CSRNP3: variants seen among roughly 807,000 people sequenced by gnomAD.
CSRNP3 encodes cysteine and serine rich nuclear protein 3.
A neutral mutation model predicts 48.0 loss-of-function variants in CSRNP3; 12 were observed. The observed-to-expected ratio is 0.25, with a 90% CI of 0.16 to 0.41. The LOEUF is 0.41. Among genes scored for constraint, CSRNP3 ranks in the 10% least tolerant of loss-of-function variants. CSRNP3 has a pLI of 1.00. For synonymous variants in CSRNP3, 263 were observed against 269.7 expected (o/e 0.98, Z 0.24); for missense variants, 580 against 724.4 (o/e 0.80, Z 2.29).
rs764541524 is a variant in CSRNP3, at chr2:165,679,537, C to A, written c.1542C>A (p.Pro514=). 6.8e-6 allele frequency: 11 copies of A among 1,613,720 alleles called. No individual in the cohort carries two copies. The highest frequency in any genetic ancestry group is 1.3e-5 in the African/African-American group (1 of 74,850). Residue 514 remains proline (P), a synonymous_variant, in exon 7 of 7, where the codon CCC becomes CCA. Transcript: ENST00000651982. Reference sequence around the variant, plus strand: ...CTTCCGAAAATGATAGCGGTGTGCCCTGCAATAGTTTATATCCTGAACACA... The same window carrying A: ...CTTCCGAAAATGATAGCGGTGTGCCATGCAATAGTTTATATCCTGAACACA... The part of the protein sequence containing the change: ...CSSSENDSGV[P]CNSLYPEHRS...
intron 5 of CSRNP3, among the ~76,000 whole-genome samples, chr2:165,670,849 A>G (rs77663759): frequency 6.6e-6 from 1 of 151,914 alleles, no homozygotes; most frequent in African/African-American, 2.4e-5. Context: ...TTTAAATCAC[A>G]TTTTTTGCAG....
intron 3 of CSRNP3, among the ~76,000 whole-genome samples, chr2:165,559,529 T>G (rs1199392388): frequency 2.0e-5 from 3 of 152,106 alleles, no homozygotes; most frequent in Non-Finnish European, 2.9e-5. Flanking sequence ...AAAAAATAAT[T>G]TATTAATAGA....
At chr2:165,592,851 G>T (rs533549719) in intron 3 of CSRNP3, among the ~76,000 whole-genome samples, 1 of 144,166 alleles carries the variant, frequency 6.9e-6, no homozygotes, top group East Asian at 2.0e-4. Context: ...GCCCAGGCTG[G>T]AGTGCAGTGG....
chr2:165,676,092 T>G (rs1687417739), intron 5 of CSRNP3, among the ~76,000 whole-genome samples: 1 of 152,194 alleles, frequency 6.6e-6, no homozygotes, highest in South Asian at 2.1e-4. Context: ...TGAGTTCCAA[T>G]TAACAGTCTT....
In CSRNP3 at chr2:165,580,921, T is replaced by C. The variant is rs569682578; in HGVS notation, c.-23-14122T>C. Among the ~76,000 whole-genome samples, 10 of 152,264 alleles carry C rather than the reference T, an allele frequency of 6.6e-5. No homozygotes were observed. The East Asian group carries it at 1.9e-3, about 29-fold the overall frequency. On this transcript the variant is annotated intron_variant, in intron 3 of 6. Transcript: ENST00000651982. ...AAATTGTCCAAGGAATTAGGCTAAG[T>C]ACTATTCTTTAGTCTTAATTGCAAG...
intron 4 of CSRNP3, among the ~76,000 whole-genome samples, chr2:165,623,932 C>G (rs1396328083): frequency 6.6e-6 from 1 of 152,178 alleles, no homozygotes; most frequent in Non-Finnish European, 1.5e-5. Context: ...GGGAGTATCT[C>G]CTTGTCTGGC....
chr2:165,481,341 C>T (rs1404735582), intron 1 of CSRNP3, among the ~76,000 whole-genome samples: 1 of 152,134 alleles, frequency 6.6e-6, no homozygotes, highest in Non-Finnish European at 1.5e-5. Flanking sequence ...TGACAAATCC[C>T]CTGAGATTAC....
chr2:165,518,106 A>C (rs1684604720), intron 3 of CSRNP3, 145 bp downstream of exon 3: 1 of 152,294 alleles, frequency 6.6e-6, no homozygotes, highest in African/African-American at 2.4e-5. Context: ...GATTTTAAAA[A>C]ATCCATTTAT....
intron 4 of CSRNP3, among the ~76,000 whole-genome samples, chr2:165,622,734 A>G (rs1411932316): frequency 1.3e-5 from 2 of 152,246 alleles, no homozygotes; most frequent in African/African-American, 4.8e-5. Flanking sequence ...CAAAGTTGCC[A>G]TATACTGTTC....
intron 3 of CSRNP3, among the ~76,000 whole-genome samples, chr2:165,593,057 T>A (rs1345259585): frequency 6.6e-6 from 1 of 152,102 alleles, no homozygotes; most frequent in East Asian, 1.9e-4. Flanking sequence ...CGCCTCGGCC[T>A]CCCAAAGTGC....
intron 3 of CSRNP3, among the ~76,000 whole-genome samples, chr2:165,592,600 C>T (rs911972023): frequency 1.1e-4 from 17 of 151,952 alleles, no homozygotes; most frequent in Admixed American, 3.9e-4. Flanking sequence ...ATCATGGGGG[C>T]AGTTACCCTC....
chr2:165,570,163 C>A (rs887315573), intron 3 of CSRNP3, among the ~76,000 whole-genome samples: 12 of 151,952 alleles, frequency 7.9e-5, no homozygotes, highest in Non-Finnish European at 1.5e-4. Context: ...GCATAAGATA[C>A]TGGAATAACT....
chr2:165,667,143 G>A (rs1307237351), intron 5 of CSRNP3, among the ~76,000 whole-genome samples: 11 of 145,948 alleles, frequency 7.5e-5, no homozygotes, highest in South Asian at 4.5e-4. Context: ...AAGAGAGAGA[G>A]AAAAGGAAGG....
intron 4 of CSRNP3, among the ~76,000 whole-genome samples, chr2:165,624,244 TCTGAAG>T (rs1375549285): frequency 6.6e-6 from 1 of 152,226 alleles, no homozygotes; most frequent in Non-Finnish European, 1.5e-5. Flanking sequence ...TTATGTGCAT[TCTGAAG>T]CTGAAGGTAA....
At chr2:165,513,948 C>A (rs1684542223) in intron 2 of CSRNP3, among the ~76,000 whole-genome samples, 1 of 152,142 alleles carries the variant, frequency 6.6e-6, no homozygotes, top group Admixed American at 6.5e-5. Context: ...AATTAAGCCC[C>A]AAATATTAGA....
chr2:165,632,838 G>T (rs1485755300), intron 4 of CSRNP3, among the ~76,000 whole-genome samples: 2 of 152,110 alleles, frequency 1.3e-5, no homozygotes, highest in Non-Finnish European at 2.9e-5. Flanking sequence ...TGACTTACCA[G>T]CTATCAATTT....
rs1259793043 is a variant in CSRNP3 at position 165,682,761 on chromosome 2, A to G, written c.*3008A>G. Reference sequence around the variant, plus strand: ...TTCAACAAAGAGCTGCCCACATGCCAGGAAAGTGCTACAGTCCTTCTAAGC... The same window carrying G: ...TTCAACAAAGAGCTGCCCACATGCCGGGAAAGTGCTACAGTCCTTCTAAGC... On this transcript the variant is annotated 3_prime_UTR_variant, in exon 7 of 7. Coordinates refer to ENST00000651982, the MANE Select transcript of CSRNP3 (RefSeq NM_001172173.2). The G allele has an allele frequency of 6.6e-6, 1 of 152,120 alleles. No individual in the cohort carries two copies. Among genetic ancestry groups the G allele is most frequent in the Non-Finnish European group, 1.5e-5 (1 of 68,004 alleles). 9.4% of individuals were successfully genotyped at this position (152,120 alleles called of 1,614,324 possible). A position where few individuals can be genotyped will look rare whatever the true frequency, so the allele number is the denominator to read the frequency against.
intron 4 of CSRNP3, among the ~76,000 whole-genome samples, chr2:165,624,340 C>T (rs1204274954): frequency 6.6e-6 from 1 of 152,178 alleles, no homozygotes; most frequent in Non-Finnish European, 1.5e-5. Flanking sequence ...TGGATAAAGG[C>T]TTCATGCCTG....
intron 3 of CSRNP3, among the ~76,000 whole-genome samples, chr2:165,575,029 T>C (rs552379150): frequency 8.2e-4 from 125 of 152,338 alleles, no homozygotes; most frequent in African/African-American, 2.5e-3. Context: ...CTAATTGTTA[T>C]AAATTCTCTT....
Sources: gnomAD v4.1 joint callset for allele counts (sites outside exome capture counted in the v4.1 genomes callset) on GRCh38, gnomAD v4.1.1 for gene constraint, MANE v1.5 for transcripts, NCBI Gene and HGNC (gene_info 2026-07-23, HGNC 2026-07-21) for gene names.